Variants in SHC4 observed in about 807,000 individuals in gnomAD.
The protein encoded by SHC4 is SHC-transforming protein 4.
A neutral mutation model predicts 69.4 loss-of-function variants in SHC4; 41 were observed. The ratio of observed to expected loss-of-function variants is 0.59; its 90% confidence interval spans 0.46 to 0.77. The LOEUF (loss-of-function observed/expected upper bound fraction) is 0.77, where lower values mean the gene tolerates loss of function less well. Among genes scored for constraint, SHC4 ranks in the 30% least tolerant of loss-of-function variants. The pLI, the probability that SHC4 is intolerant of heterozygous loss-of-function variation, is 0.00. For synonymous variants in SHC4, 318 were observed against 299.3 expected, an observed-to-expected ratio of 1.06 and a Z score of -0.64; for missense variants, 777 against 783.8, an observed-to-expected ratio of 0.99 and a Z score of 0.10.
intron 2 of SHC4, among the ~76,000 whole-genome samples, chr15:48,923,186 A>G (rs1434715179): frequency 6.6e-6 from 1 of 152,234 alleles, no homozygotes; most frequent in Non-Finnish European, 1.5e-5. Context: ...CCTAAGGCAC[A>G]TTTCATGGAA....
intron 1 of SHC4, among the ~76,000 whole-genome samples, chr15:48,961,330 C>A (rs904618792): frequency 6.6e-6 from 1 of 152,228 alleles, no homozygotes; most frequent in African/African-American, 2.4e-5. Context: ...CTTCAGTCAA[C>A]TTCGGTCTCC....
chr15:48,843,358 T>C, intron 10 of SHC4, 51 bp downstream of exon 10: 2 of 1,494,882 alleles, frequency 1.3e-6, no homozygotes, highest in East Asian at 2.3e-5. Context: ...TTTGTGGTAA[T>C]TTGTTAAAAC....
intron 2 of SHC4, among the ~76,000 whole-genome samples, chr15:48,915,195 T>C (rs7177968): frequency 0.31 from 46,891 of 152,114 alleles, 7,499 homozygotes; most frequent in East Asian, 0.5. Flanking sequence ...ACTTTACACC[T>C]GTTTATTCAA....
At chr15:48,894,137 A>T (rs1299380012) in intron 2 of SHC4, among the ~76,000 whole-genome samples, 1 of 152,208 alleles carries the variant, frequency 6.6e-6, no homozygotes, top group Non-Finnish European at 1.5e-5. Context: ...AAATATGAAG[A>T]AGTCTATATA....
At chr15:48,922,654 A>T (rs565588091) in intron 2 of SHC4, among the ~76,000 whole-genome samples, 2 of 152,340 alleles carry the variant, frequency 1.3e-5, no homozygotes, top group African/African-American at 4.8e-5. Context: ...ATTAAGTTTC[A>T]ATACATAAAT....
At chr15:48,899,242 G>A (rs1033831976) in intron 2 of SHC4, among the ~76,000 whole-genome samples, 31 of 152,078 alleles carry the variant, frequency 2.0e-4, no homozygotes, top group Admixed American at 1.6e-3. Context: ...CAAGGTAGGC[G>A]GATCACTTGA....
chr15:48,878,480 T>C, intron 4 of SHC4: 1 of 1,613,880 alleles, frequency 6.2e-7, no homozygotes, highest in Non-Finnish European at 8.5e-7. Context: ...GGGCGAGGAA[T>C]TTGATGACTG....
chr15:48,915,588 G>A lies in SHC4; in HGVS notation c.656+9291C>T, dbSNP rs534231585. Among the ~76,000 whole-genome samples, 568 of 152,296 alleles carry A rather than the reference G, an allele frequency of 3.7e-3. 5 individuals carry two copies. The highest frequency in any genetic ancestry group is 0.013 in the African/African-American group (538 of 41,556). ...CATCCTTCCACTGACACCAGTGCTC[G>A]CTGAGGGGAGATCAACTTTGGATGC... On this transcript the variant is annotated intron_variant, in intron 2 of 11. Transcript: ENST00000332408.
At chr15:48,863,476 T>C (rs562173497) in intron 6 of SHC4, among the ~76,000 whole-genome samples, 6 of 38,274 alleles carry the variant, frequency 1.6e-4, no homozygotes, top group African/African-American at 4.7e-4. Context: ...TACTTATGAA[T>C]ACTAAATTTT....
chr15:48,960,843 A>G (rs570120683), intron 1 of SHC4, among the ~76,000 whole-genome samples: 1 of 152,324 alleles, frequency 6.6e-6, no homozygotes, highest in South Asian at 2.1e-4. Context: ...AGTCATTGGC[A>G]TCACTGATGT....
In SHC4 at chr15:48,851,265, T is replaced by G. The variant is rs1899210288; in HGVS notation, c.1243-17A>C. On this transcript the variant is annotated splice_polypyrimidine_tract_variant and intron_variant, in intron 8 of 11. Coordinates refer to ENST00000332408, the MANE Select transcript of SHC4 (RefSeq NM_203349.4). ...GTTTCCAGGCTGCATGAACAACAAA[T>G]TATGAAACATTTACAAACATAGTAC... 3 of 1,613,462 alleles carry G rather than the reference T, an allele frequency of 1.9e-6. No homozygotes were observed. The highest frequency in any genetic ancestry group is 2.5e-6 in the Non-Finnish European group (3 of 1,179,598).
At chr15:48,868,966 G>C in intron 5 of SHC4, among the ~76,000 whole-genome samples, 1 of 152,216 alleles carries the variant, frequency 6.6e-6, no homozygotes, top group Non-Finnish European at 1.5e-5. Context: ...CAAGTGAAGA[G>C]GTGGTCTGAT....
At chr15:48,942,818 C>T (rs2141034752) in intron 1 of SHC4, among the ~76,000 whole-genome samples, 1 of 152,268 alleles carries the variant, frequency 6.6e-6, no homozygotes, top group South Asian at 2.1e-4. Context: ...AGTTAGGCAG[C>T]TTCTTTTCTT....
rs201826030 is a variant in SHC4, at chr15:48,856,002, G to A, written c.1193C>T (p.Thr398Met). The A allele has an allele frequency of 1.3e-4, 202 of 1,613,788 alleles. No homozygotes were observed. Among genetic ancestry groups the A allele is most frequent in the South Asian group, 3.3e-4 (30 of 91,020 alleles). Residue 398 changes from threonine (T) to methionine (M), a missense_variant, in exon 8 of 12, where the codon ACG becomes ATG. Transcript: ENST00000332408. ...TATGGGGCAGTAAGCCATTTGTTCC[G>A]TGGCTTGAACTTTGATCCGCATATC... The part of the protein sequence containing the change: ...VSDMRIKVQA[T>M]EQMAYCPIQC...
chr15:48,941,666 C>T (rs146163051), intron 1 of SHC4, among the ~76,000 whole-genome samples: 139 of 152,280 alleles, frequency 9.1e-4, no homozygotes, highest in African/African-American at 3.3e-3. Context: ...GAATCAGATT[C>T]TCTCAAGCAT....
chr15:48,937,014 A>G (rs993937521), intron 1 of SHC4, among the ~76,000 whole-genome samples: 3 of 152,236 alleles, frequency 2.0e-5, no homozygotes, highest in Non-Finnish European at 4.4e-5. Flanking sequence ...TTGGAGAGCT[A>G]TGACTTCTCC....
intron 2 of SHC4, among the ~76,000 whole-genome samples, chr15:48,923,289 C>T (rs924005239): frequency 2.6e-5 from 4 of 152,146 alleles, no homozygotes; most frequent in African/African-American, 9.7e-5. Context: ...TAGTGGCTCA[C>T]GCCTCAATCC....
At chr15:48,913,314 C>T (rs1017566335) in intron 2 of SHC4, among the ~76,000 whole-genome samples, 52 of 152,110 alleles carry the variant, frequency 3.4e-4, no homozygotes, top group Non-Finnish European at 7.1e-4. Flanking sequence ...GTCACTGGAG[C>T]TGTGTACCTA....
chr15:48,921,633 A>G (rs1384932755), intron 2 of SHC4, among the ~76,000 whole-genome samples: 2 of 152,202 alleles, frequency 1.3e-5, no homozygotes, highest in Non-Finnish European at 2.9e-5. Context: ...ACGCCTGGCC[A>G]GAAGTTACTG....
Sources: allele counts gnomAD v4.1 joint callset (sites outside exome capture counted in the v4.1 genomes callset), GRCh38; gene constraint gnomAD v4.1.1; transcripts MANE v1.5; gene names NCBI Gene and HGNC (gene_info 2026-07-23, HGNC 2026-07-21).